Variants in PIGG observed in about 807,000 individuals in gnomAD.
PIGG encodes GPI ethanolamine phosphate transferase 2, catalytic subunit.
Under a neutral mutation model 83.2 loss-of-function variants are expected in PIGG, and 70 were observed. That is an observed-to-expected ratio of 0.84 (90% CI 0.69 to 1.03). The LOEUF is 1.03. PIGG is among the 50% of genes least tolerant of loss of function. PIGG has a pLI of 0.00. For missense variants in PIGG, 1,257 were observed against 1,233.6 expected (o/e 1.02, Z -0.28); for synonymous variants, 532 against 519.5 (o/e 1.02, Z -0.33).
At position 527,578 on chromosome 4, in the gene PIGG, C is replaced by T. The variant is rs189877016; in HGVS notation, c.2261+348C>T. 3,966 of 1,024,978 alleles carry T rather than the reference C, an allele frequency of 3.9e-3. 27 individuals carry two copies. The highest frequency in any genetic ancestry group is 0.035 in the South Asian group (805 of 23,092). 63.5% of individuals were successfully genotyped at this position (1,024,978 alleles called of 1,614,324 possible). On this transcript the variant is annotated intron_variant, in intron 10 of 12. Transcript: ENST00000453061. Reference sequence around the variant, plus strand: ...ATCGGTTTCTAAGTTAGTGGCAGCACGTGATGGCCAGGGTTCTGTTTTCCT... The same window carrying T: ...ATCGGTTTCTAAGTTAGTGGCAGCATGTGATGGCCAGGGTTCTGTTTTCCT...
intron 10 of PIGG, 70 bp downstream of exon 10, chr4:527,300 C>T (rs1195682995): frequency 1.6e-5 from 23 of 1,467,214 alleles, no homozygotes; most frequent in Middle Eastern, 2.5e-4. Context: ...ACACGGGGCG[C>T]GTGGAACCAC....
At chr4:503,103 T>G (rs1333130050) in intron 2 of PIGG, among the ~76,000 whole-genome samples, 2 of 152,048 alleles carry the variant, frequency 1.3e-5, no homozygotes, top group East Asian at 3.9e-4. Context: ...TTGTAAAAAT[T>G]TAAAGATTGA....
At position 507,485 on chromosome 4, in the gene PIGG, G is replaced by T. The variant is rs1553880190; in HGVS notation, c.651G>T (p.Gly217=). Residue 217 remains glycine (G), a synonymous_variant, in exon 4 of 13, where the codon GGG becomes GGT. Coordinates refer to ENST00000453061, the MANE Select transcript of PIGG (RefSeq NM_001127178.3). The part of the protein sequence containing the change: ...DWDILILHYL[G]LDHIGHISGP... ...ACATATTAATCCTCCACTACCTGGG[G>T]CTGGACCACATTGGCCACATTTCAG... 1 of 1,614,056 alleles carries T rather than the reference G, an allele frequency of 6.2e-7. No homozygotes were observed.
Position 500,507 on chromosome 4 carries a change from T to G in PIGG, c.266T>G (p.Phe89Cys). ...DFVFGSKGVK[F>C]MPYTTYLVEK... is the part of the protein sequence containing the mutation. ...GTGTTTGGGTCAAAGGGTGTGAAAT[T>G]TATGCCCTACACAACTTACCTTGTG... is the stretch of plus-strand genomic sequence containing the variant. The change falls in exon 2 of 13, where the codon TTT becomes TGT. Residue 89 changes from phenylalanine (F) to cysteine (C), a missense_variant. Coordinates refer to ENST00000453061, the MANE Select transcript of PIGG (RefSeq NM_001127178.3). 6.2e-7 allele frequency: 1 copy of G among 1,613,642 alleles called. No homozygotes were observed. The highest frequency in any genetic ancestry group is 8.5e-7 in the Non-Finnish European group (1 of 1,179,542).
chr4:531,081 G>A (rs1728940984), intron 11 of PIGG: 1 of 255,092 alleles, frequency 3.9e-6, no homozygotes, highest in Non-Finnish European at 7.5e-6. Flanking sequence ...CATGCCCTTT[G>A]CCCCTGGTGT....
intron 3 of PIGG, 32 bp downstream of exon 3, chr4:505,959 C>G (rs1719534229): frequency 1.4e-6 from 2 of 1,403,126 alleles, no homozygotes; most frequent in South Asian, 1.2e-5. Context: ...ATATATCATA[C>G]TAGAATATCA....
At chr4:512,296 T>A (rs1722271898) in intron 5 of PIGG, among the ~76,000 whole-genome samples, 1 of 148,086 alleles carries the variant, frequency 6.8e-6, no homozygotes. Context: ...CTCGGCTCAC[T>A]GCCACCTCCG....
rs774973116 is a variant in PIGG, at chr4:515,168, T to A, written c.902-805T>A. 2.0e-5 allele frequency among the ~76,000 whole-genome samples: 3 copies of A among 152,234 alleles called. No individual in the cohort carries two copies. Among genetic ancestry groups the A allele is most frequent in the Non-Finnish European group, 2.9e-5 (2 of 68,036 alleles). Reference sequence around the variant, plus strand: ...CACCTCACGCACCACCTATCCTGAGTAGCCGTCCCTGTGGCCTCTTGGCGC... The same window carrying A: ...CACCTCACGCACCACCTATCCTGAGAAGCCGTCCCTGTGGCCTCTTGGCGC... On this transcript the variant is annotated intron_variant, in intron 5 of 12. Transcript: ENST00000453061. The surrounding 1 kb of genome is among the most constrained non-coding windows in gnomAD (Gnocchi z 4.2).
chr4:523,759 A>C lies in PIGG; in HGVS notation c.1915A>C (p.Ser639Arg). The C allele has an allele frequency of 6.2e-7, 1 of 1,614,066 alleles. No individual in the cohort carries two copies. The highest frequency in any genetic ancestry group is 8.5e-7 in the Non-Finnish European group (1 of 1,180,040). ...DVLERDKGHG[S>R]PSTSEVLRGR... ...CCTGGAGCGAGACAAAGGCCACGGA[A>C]GCCCCTCTACCTCCGAAGTGCTCAG... Residue 639 changes from serine (S) to arginine (R), a missense_variant, in exon 9 of 13, where the codon AGC becomes CGC. Physicochemically the swap from Ser to Arg is moderately radical, Grantham distance 110. Coordinates refer to ENST00000453061, the MANE Select transcript of PIGG (RefSeq NM_001127178.3).
chr4:539,190 C>T lies in PIGG; in HGVS notation c.2773C>T (p.Leu925=), dbSNP rs1160184163. The T allele has an allele frequency of 6.2e-7, 1 of 1,613,432 alleles. No homozygotes were observed. The highest frequency in any genetic ancestry group is 2.2e-5 in the East Asian group (1 of 44,882). ...ALSHACFCYA[L]ICSIPVFTYI... ...GAGTCATGCTTGCTTCTGCTACGCA[C>T]TGATTTGTTCTATTCCAGTTTTCAC... The change falls in exon 13 of 13, where the codon CTG becomes TTG. Residue 925 remains leucine, a synonymous_variant. Coordinates refer to ENST00000453061, the MANE Select transcript of PIGG (RefSeq NM_001127178.3).
chr4:539,763 T>C lies in PIGG; in HGVS notation c.*394T>C, dbSNP rs1450998526. The C allele has an allele frequency of 3.6e-5, 6 of 165,818 alleles. No individual in the cohort carries two copies. The highest frequency in any genetic ancestry group is 6.5e-5 in the Non-Finnish European group (5 of 77,240). The allele number at this position is 165,818 out of a possible 1,614,324, so 10.3% of individuals were successfully genotyped here. ...CACTGAGGGCCCCAAGGCGCTTTGG[T>C]TTATGAGGGTTACATGTATCAGTGT... On this transcript the variant is annotated 3_prime_UTR_variant, in exon 13 of 13. Transcript: ENST00000453061.
At chr4:500,030 G>T (rs1270834922) in intron 1 of PIGG, 2 of 260,988 alleles carry the variant, frequency 7.7e-6, no homozygotes, top group East Asian at 1.9e-4. Flanking sequence ...ATCGCCAGCC[G>T]CTGACCATGT....
At chr4:501,100 G>A in intron 2 of PIGG, 1 of 456,326 alleles carries the variant, frequency 2.2e-6, no homozygotes, top group South Asian at 1.5e-5. Context: ...ATATCCTTCA[G>A]GTGTCCAGCC....
At chr4:511,632 G>A (rs1722000311) in intron 5 of PIGG, among the ~76,000 whole-genome samples, 2 of 152,210 alleles carry the variant, frequency 1.3e-5, no homozygotes, top group East Asian at 3.9e-4. Context: ...TTTAAATCAG[G>A]AGAGGAAAGA....
chr4:514,852 C>T (rs1394818130), intron 5 of PIGG, among the ~76,000 whole-genome samples: 2 of 152,192 alleles, frequency 1.3e-5, no homozygotes, highest in Non-Finnish European at 2.9e-5. Flanking sequence ...AGTGCTGCCA[C>T]TACCAGTATG....
At chr4:506,829 C>G in intron 3 of PIGG, 1 of 455,954 alleles carries the variant, frequency 2.2e-6, no homozygotes, top group Non-Finnish European at 4.4e-6. Flanking sequence ...ATGTAGATGC[C>G]CTCAGCTTCA....
chr4:519,752 GGGCC>G (rs1725178199), intron 6 of PIGG, among the ~76,000 whole-genome samples: 1 of 132,914 alleles, frequency 7.5e-6, no homozygotes, highest in African/African-American at 2.9e-5. Context: ...GCAGTGGGGT[GGGCC>G]TGCAGGCGTG....
intron 11 of PIGG, 153 bp downstream of exon 11, chr4:530,898 G>C (rs1302316216): frequency 1.8e-5 from 11 of 622,838 alleles, no homozygotes; most frequent in Non-Finnish European, 1.4e-5. Flanking sequence ...ATAAGACAAA[G>C]TACAGCCGGT....
intron 1 of PIGG, chr4:499,712 C>T: frequency 6.5e-6 from 9 of 1,394,580 alleles, no homozygotes; most frequent in African/African-American, 1.5e-5. Flanking sequence ...ACCTTCCTTC[C>T]TGATCACCAC....
Sources: allele counts gnomAD v4.1 joint callset (sites outside exome capture counted in the v4.1 genomes callset), GRCh38; gene constraint gnomAD v4.1.1; non-coding constraint Gnocchi (gnomAD v3.1); transcripts MANE v1.5; gene names NCBI Gene and HGNC (gene_info 2026-07-23, HGNC 2026-07-21).